Variants in SMYD3 observed in about 807,000 individuals in gnomAD.
SMYD3 encodes the protein SET and MYND domain containing 3.
A neutral mutation model predicts 57.7 loss-of-function variants in SMYD3; 36 were observed. That is an observed-to-expected ratio of 0.62 (90% CI 0.48 to 0.82). SMYD3 has a LOEUF of 0.82. SMYD3 is among the 40% of genes least tolerant of loss of function. SMYD3 has a pLI of 0.00. For missense variants in SMYD3, 515 were observed against 538.8 expected, an observed-to-expected ratio of 0.96 and a Z score of 0.44; for synonymous variants, 211 against 195.0, an observed-to-expected ratio of 1.08 and a Z score of -0.68.
chr1:245,766,400 TAAAAAAA>T (rs35500837), intron 10 of SMYD3, among the ~76,000 whole-genome samples: 3 of 101,770 alleles, frequency 2.9e-5, no homozygotes, highest in Non-Finnish European at 5.9e-5. Flanking sequence ...GACTCTGTCT[TAAAAAAA>T]AAAAAAAAAA....
chr1:246,470,568 CTATA>C (rs1252655221), intron 1 of SMYD3, among the ~76,000 whole-genome samples: 3 of 148,436 alleles, frequency 2.0e-5, no homozygotes, highest in African/African-American at 4.9e-5. Context: ...TATATACACA[CTATA>C]TATATACACA....
chr1:245,812,293 C>T (rs1040128580), intron 10 of SMYD3, among the ~76,000 whole-genome samples: 2 of 152,174 alleles, frequency 1.3e-5, no homozygotes, highest in African/African-American at 2.4e-5. Context: ...GCATAGAGGA[C>T]AAGCTTGTGC....
chr1:246,249,663 T>C (rs1156914646), intron 5 of SMYD3, among the ~76,000 whole-genome samples: 2 of 152,156 alleles, frequency 1.3e-5, no homozygotes, highest in East Asian at 3.8e-4. Context: ...TTACCTAAAG[T>C]AACATGAAAA....
intron 3 of SMYD3, among the ~76,000 whole-genome samples, chr1:246,331,476 TC>T (rs1219718826): frequency 6.6e-6 from 1 of 152,142 alleles, no homozygotes. Flanking sequence ...AGATAGAACC[TC>T]CTCCATCTTT....
rs139383441 is a variant in SMYD3 at position 246,485,453 on chromosome 1, GAA to G, written c.164+21599_164+21600del. On this transcript the variant is annotated intron_variant, in intron 1 of 11. Transcript: ENST00000490107. The stretch of plus-strand genomic sequence containing the variant: ...GAATGTATAATTACTGTTGACATGT[GAA>G]AAGTTTCCAACAGGAATGAAAAGCT... Among the ~76,000 whole-genome samples the G allele has an allele frequency of 4.2e-3, 643 of 152,226 alleles. 7 individuals carry two copies. The highest frequency in any genetic ancestry group is 0.015 in the African/African-American group (618 of 41,542).
intron 5 of SMYD3, among the ~76,000 whole-genome samples, chr1:246,310,383 T>TC (rs1341589460): frequency 6.6e-6 from 1 of 152,194 alleles, no homozygotes; most frequent in Non-Finnish European, 1.5e-5. Flanking sequence ...TTTTAGCTCT[T>TC]CCCATTAGTG....
intron 5 of SMYD3, among the ~76,000 whole-genome samples, chr1:246,104,858 T>C (rs76939806): frequency 0.032 from 4,945 of 152,182 alleles, 282 homozygotes; most frequent in African/African-American, 0.11. Context: ...ATATCATTTT[T>C]TAAATAGGCT....
In SMYD3 at chr1:245,806,099, A is replaced by T. The variant is rs190102594; in HGVS notation, c.1077-41950T>A. On this transcript the variant is annotated intron_variant, in intron 10 of 11. Transcript: ENST00000490107. ...AGCTGCTGGGAAGACAGTTATGAAG[A>T]AGACGGGGTCTTTCCAGTTGTTCAA... is the stretch of plus-strand genomic sequence containing the variant. Among the ~76,000 whole-genome samples, 284 of 152,336 alleles carry T rather than the reference A, an allele frequency of 1.9e-3. 2 individuals carry two copies. The highest frequency in any genetic ancestry group is 6.5e-3 in the African/African-American group (272 of 41,580).
chr1:246,219,261 C>T (rs2148416497), intron 5 of SMYD3, among the ~76,000 whole-genome samples: 1 of 152,148 alleles, frequency 6.6e-6, no homozygotes, highest in African/African-American at 2.4e-5. Flanking sequence ...CTATAAAAAC[C>T]CCAGATCCAG....
intron 5 of SMYD3, among the ~76,000 whole-genome samples, chr1:246,139,492 T>A (rs899498300): frequency 2.6e-5 from 4 of 152,228 alleles, no homozygotes; most frequent in Non-Finnish European, 5.9e-5. Flanking sequence ...GAAAGGAATT[T>A]AGCAAACTCT....
intron 10 of SMYD3, among the ~76,000 whole-genome samples, chr1:245,847,638 G>A (rs190352421): frequency 6.6e-5 from 10 of 152,234 alleles, no homozygotes; most frequent in Non-Finnish European, 4.4e-5. Flanking sequence ...AGAGCAGCTT[G>A]GTAGCTGCAC....
intron 10 of SMYD3, among the ~76,000 whole-genome samples, chr1:245,810,012 G>T: frequency 6.6e-6 from 1 of 152,150 alleles, no homozygotes; most frequent in South Asian, 2.1e-4. Context: ...TTTCAGAGGG[G>T]ACAAACGAGG....
intron 10 of SMYD3, among the ~76,000 whole-genome samples, chr1:245,764,658 A>T (rs1328574706): frequency 2.0e-5 from 3 of 151,956 alleles, no homozygotes; most frequent in African/African-American, 7.3e-5. Flanking sequence ...TGTGGAGTCC[A>T]TCATGGTACA....
chr1:246,092,484 C>G (rs2060839961), intron 5 of SMYD3, among the ~76,000 whole-genome samples: 1 of 152,122 alleles, frequency 6.6e-6, no homozygotes, highest in Non-Finnish European at 1.5e-5. Context: ...CCATTTTTGA[C>G]AAAGGCACCA....
At chr1:246,218,959 T>C (rs1026200131) in intron 5 of SMYD3, among the ~76,000 whole-genome samples, 7 of 152,142 alleles carry the variant, frequency 4.6e-5, no homozygotes, top group African/African-American at 1.4e-4. Context: ...TTTCCAGGGA[T>C]GTAGATCTCC....
intron 5 of SMYD3, among the ~76,000 whole-genome samples, chr1:246,083,319 A>T (rs1453681705): frequency 6.6e-6 from 1 of 152,144 alleles, no homozygotes. Flanking sequence ...AGGCATTGAG[A>T]TGTTTATGTA....
chr1:245,893,390 A>G (rs1056653169), intron 8 of SMYD3, among the ~76,000 whole-genome samples: 4 of 152,212 alleles, frequency 2.6e-5, no homozygotes, highest in Non-Finnish European at 5.9e-5. Context: ...GAAAACTTAT[A>G]TTTGCACAAT....
intron 1 of SMYD3, among the ~76,000 whole-genome samples, chr1:246,408,736 C>T (rs1174372568): frequency 1.6e-5 from 2 of 123,946 alleles, no homozygotes; most frequent in Non-Finnish European, 3.1e-5. Context: ...GTGGTGCTAT[C>T]TCAGTTCACT....
At chr1:246,169,222 C>T (rs1002556454) in intron 5 of SMYD3, among the ~76,000 whole-genome samples, 3 of 151,784 alleles carry the variant, frequency 2.0e-5, no homozygotes, top group African/African-American at 7.3e-5. Flanking sequence ...CCAGGAGTCA[C>T]GGGTAAGCTC....
Sources: gnomAD v4.1 joint callset for allele counts (sites outside exome capture counted in the v4.1 genomes callset) on GRCh38, gnomAD v4.1.1 for gene constraint, MANE v1.5 for transcripts, NCBI Gene and HGNC (gene_info 2026-07-23, HGNC 2026-07-21) for gene names.